Variants in ZNF512B observed in about 807,000 individuals in gnomAD.
The protein encoded by ZNF512B is zinc finger protein 512B.
A neutral mutation model predicts 87.8 loss-of-function variants in ZNF512B; 22 were observed. The ratio of observed to expected loss-of-function variants is 0.25; its 90% CI spans 0.18 to 0.36. The LOEUF (loss-of-function observed/expected upper bound fraction) is 0.36, where lower values mean the gene tolerates loss of function less well. Among genes scored for constraint, ZNF512B ranks in the 10% least tolerant of loss-of-function variants. The pLI is 1.00. For synonymous variants in ZNF512B, 524 were observed against 490.9 expected (o/e 1.07, Z -0.89); for missense variants, 1,060 against 1,231.6 (o/e 0.86, Z 2.09).
rs2058862102 is a variant in ZNF512B at position 63,962,333 on chromosome 20, C to T, written c.2205G>A (p.Gln735=). The T allele has an allele frequency of 1.2e-6, 2 of 1,612,884 alleles. No homozygotes were observed. The highest frequency in any genetic ancestry group is 4.5e-5 in the East Asian group (2 of 44,892). The change falls in exon 14 of 17, where the codon CAG becomes CAA. Residue 735 remains glutamine (Q), a synonymous_variant. Transcript: ENST00000369888. The part of the protein sequence containing the change: ...TRPGLPTLNP[Q]LLEAWKNEVK... Reference sequence around the variant, plus strand: ...CTTCATTCTTCCATGCCTCTAGCAGCTGGGGGTTCAGCGTGGGGAGCCCTG... The same window carrying T: ...CTTCATTCTTCCATGCCTCTAGCAGTTGGGGGTTCAGCGTGGGGAGCCCTG...
Position 63,959,750 on chromosome 20 carries a change from G to A in ZNF512B, c.*138C>T. ...GGGCCACCTTCAGGGAAGGGAGAGT[G>A]GCTGGCTGCCCCACTGGACGGATGA... is the stretch of plus-strand genomic sequence containing the variant. On this transcript the variant is annotated 3_prime_UTR_variant, in exon 17 of 17. Transcript: ENST00000369888. The A allele has an allele frequency of 1.5e-6, 2 of 1,308,184 alleles. No individual in the cohort carries two copies. The highest frequency in any genetic ancestry group is 2.0e-6 in the Non-Finnish European group (2 of 982,860). The allele number at this position is 1,308,184 out of a possible 1,614,324, so 81.0% of individuals were successfully genotyped here.
chr20:63,958,485 C>T lies in ZNF512B; in HGVS notation c.*1403G>A, dbSNP rs1408607465. The T allele has an allele frequency of 1.3e-5, 2 of 152,342 alleles. No individual in the cohort carries two copies. Among genetic ancestry groups the T allele is most frequent in the Non-Finnish European group, 2.9e-5 (2 of 68,058 alleles). 9.4% of individuals were successfully genotyped at this position (152,342 alleles called of 1,614,324 possible). On this transcript the variant is annotated 3_prime_UTR_variant, in exon 17 of 17. Coordinates refer to ENST00000369888, the MANE Select transcript of ZNF512B (RefSeq NM_020713.3). ...GCACACGGGCAAACATCAAAATTCT[C>T]ATCGTCCAGGGTCAGTGGGGCCGAG...
At position 63,963,114 on chromosome 20, in the gene ZNF512B, C is replaced by A; in HGVS notation, c.1949G>T (p.Arg650Leu). ...RSKAGHDYHV[R>L]SEHTAPPPEE... The stretch of plus-strand genomic sequence containing the variant: ...ACTCACGGGGGCCGTGTGCTCCGAG[C>A]GCACGTGGTAGTCGTGGCCAGCCTT... Residue 650 changes from arginine to leucine, a missense_variant, in exon 12 of 17, where the codon CGC becomes CTC. Around this residue, in one of 9 missense-constraint regions of ZNF512B, gnomAD observed 165 missense variants for 173.0 expected, o/e 0.95. Coordinates refer to ENST00000369888, the MANE Select transcript of ZNF512B (RefSeq NM_020713.3). 6.4e-7 allele frequency: 1 copy of A among 1,559,302 alleles called. No homozygotes were observed. The highest frequency in any genetic ancestry group is 8.6e-7 in the Non-Finnish European group (1 of 1,159,648).
chr20:63,967,125 C>T, intron 3 of ZNF512B, 121 bp from the exon 4 acceptor site: 1 of 1,463,642 alleles, frequency 6.8e-7, no homozygotes, highest in South Asian at 1.3e-5. Context: ...GCCCCTCAAC[C>T]TCGGGACTGC....
rs766111481 is a variant in ZNF512B, at chr20:63,963,144, C to T, written c.1919G>A (p.Arg640Gln). 1.9e-6 allele frequency: 3 copies of T among 1,553,944 alleles called. No homozygotes were observed. The highest frequency in any genetic ancestry group is 1.7e-6 in the Non-Finnish European group (2 of 1,156,280). ...FPCTHCGKTY[R>Q]SKAGHDYHVR... ...GTGGTAGTCGTGGCCAGCCTTGGATCGGTACGTCTTGCCACAGTGGGTGCA... is the reference window on the plus strand; with the variant it reads ...GTGGTAGTCGTGGCCAGCCTTGGATTGGTACGTCTTGCCACAGTGGGTGCA... Residue 640 changes from arginine (R) to glutamine (Q), a missense_variant, in exon 12 of 17, where the codon CGA (arginine) becomes CAA (glutamine). Transcript: ENST00000369888.
chr20:63,960,379 A>C (rs1434972502), intron 16 of ZNF512B, among the ~76,000 whole-genome samples: 5 of 139,926 alleles, frequency 3.6e-5, no homozygotes, highest in Non-Finnish European at 4.6e-5. Flanking sequence ...AAGCACCTGC[A>C]GCAGGGCTGG....
chr20:63,966,547 T>C lies in ZNF512B; in HGVS notation c.628A>G (p.Ile210Val), dbSNP rs1312726147. The C allele has an allele frequency of 6.2e-7, 1 of 1,613,760 alleles. No individual in the cohort carries two copies. Among genetic ancestry groups the C allele is most frequent in the Admixed American group, 1.7e-5 (1 of 60,002 alleles). ...IGKPVGVSKP[I>V]GISKPVSVGR... ...ACCGAGACTGGCTTGCTGATGCCAATGGGTTTGCTGACACCCACAGGTTTG... is the reference window on the plus strand; with the variant it reads ...ACCGAGACTGGCTTGCTGATGCCAACGGGTTTGCTGACACCCACAGGTTTG... The change falls in exon 5 of 17, where the codon ATT becomes GTT. Residue 210 changes from isoleucine (I) to valine (V), a missense_variant. By Grantham distance (29) the Ile-to-Val change is conservative (BLOSUM62 3). Around this residue, in one of 9 missense-constraint regions of ZNF512B, gnomAD observed 201 missense variants for 226.8 expected, o/e 0.89. Coordinates refer to ENST00000369888, the MANE Select transcript of ZNF512B (RefSeq NM_020713.3).
chr20:63,963,488 C>T, intron 10 of ZNF512B, 48 bp from the exon 11 acceptor site: 1 of 1,547,496 alleles, frequency 6.5e-7, no homozygotes, highest in Non-Finnish European at 8.7e-7. Flanking sequence ...GCCACGGAGC[C>T]CTGCCCTGGC....
rs551456323 is a variant in ZNF512B at position 63,963,633 on chromosome 20, G to C, written c.1683C>G (p.Ala561=). 5 of 1,613,528 alleles carry C rather than the reference G, an allele frequency of 3.1e-6. No homozygotes were observed. The highest frequency in any genetic ancestry group is 4.2e-6 in the Non-Finnish European group (5 of 1,180,024). Residue 561 remains alanine (A), a synonymous_variant, in exon 10 of 17, where the codon GCC becomes GCG. Transcript: ENST00000369888. ...CCGACGGTACCTTGGCACTGTGCTC[G>C]GCCATAGTGTGGTAGTTGAGGCCGG... ...SKAGLNYHTM[A]EHSAKPSDAE...
rs2058805126 is a variant in ZNF512B, at chr20:63,958,221, G to A, written c.*1667C>T. 6.6e-6 allele frequency: 1 copy of A among 152,334 alleles called. No homozygotes were observed. The highest frequency in any genetic ancestry group is 6.5e-5 in the Admixed American group (1 of 15,272). 9.4% of individuals were successfully genotyped at this position (152,334 alleles called of 1,614,324 possible). ...CCCCTTCTCCCTGGGGAATGGGGGA[G>A]GGTGGGTGCTGGGGGCAGAGGCAGT... On this transcript the variant is annotated 3_prime_UTR_variant, in exon 17 of 17. Transcript: ENST00000369888.
chr20:63,960,204 C>T, intron 16 of ZNF512B, 65 bp from the exon 17 acceptor site: 1 of 1,590,932 alleles, frequency 6.3e-7, no homozygotes, highest in South Asian at 1.1e-5. Flanking sequence ...CCAGGCATAG[C>T]CTGAGAGCTG....
chr20:63,960,659 C>G (rs993375866), intron 16 of ZNF512B, among the ~76,000 whole-genome samples: 7 of 148,882 alleles, frequency 4.7e-5, no homozygotes, highest in Non-Finnish European at 1.0e-4. Flanking sequence ...GCCTTCGGGA[C>G]CAGGCAGGCA....
Position 63,960,001 on chromosome 20 carries a change from G to A in ZNF512B, c.2566C>T (p.Pro856Ser), listed in dbSNP as rs147787751. 6.8e-6 allele frequency: 11 copies of A among 1,613,166 alleles called. No individual in the cohort carries two copies. The highest frequency in any genetic ancestry group is 7.6e-6 in the Non-Finnish European group (9 of 1,180,018). ...RKPKERTPEEPVAKLPPRRDD... is the reference protein window; with the variant it reads ...RKPKERTPEESVAKLPPRRDD... The stretch of plus-strand genomic sequence containing the variant: ...CGGCGCGGGGGCAGCTTGGCCACAG[G>A]CTCCTCTGGGGTCCGCTCCTTGGGC... Residue 856 changes from proline to serine, a missense_variant, in exon 17 of 17, where the codon CCT (proline) becomes TCT (serine). Pro to Ser is a moderately conservative substitution (Grantham distance 74, BLOSUM62 -1). This residue lies in a region of ZNF512B where 253 missense variants were observed against 259.2 expected (regional missense o/e 0.98). Coordinates refer to ENST00000369888, the MANE Select transcript of ZNF512B (RefSeq NM_020713.3).
At chr20:63,969,294 G>T (rs2058956957) in intron 1 of ZNF512B, 1 of 576,918 alleles carries the variant, frequency 1.7e-6, no homozygotes, top group Non-Finnish European at 2.2e-6. Flanking sequence ...AGCCTGGGAG[G>T]CAGAGACGCG....
chr20:63,964,730 G>A lies in ZNF512B; in HGVS notation c.1035-14C>T. 6.2e-7 allele frequency: 1 copy of A among 1,608,750 alleles called. No individual in the cohort carries two copies. Among genetic ancestry groups the A allele is most frequent in the Non-Finnish European group, 8.5e-7 (1 of 1,178,750 alleles). On this transcript the variant is annotated splice_polypyrimidine_tract_variant and intron_variant, in intron 5 of 16. Transcript: ENST00000369888. ...CTGTCCGCAGCCCTGCAGGGAGCAG[G>A]TGAGGTGAGGGCCAGGAGGGCCTAA...
chr20:63,962,116 G>T (rs915889052), intron 14 of ZNF512B, 112 bp from the exon 15 acceptor site: 6 of 1,360,002 alleles, frequency 4.4e-6, no homozygotes, highest in East Asian at 2.5e-5. Context: ...GTGAGGGGGT[G>T]TGAGTCCTGG....
rs368098991 is a variant in ZNF512B, at chr20:63,966,416, C to T, written c.759G>A (p.Pro253=). 2.1e-4 allele frequency: 346 copies of T among 1,613,916 alleles called. No individual in the cohort carries two copies. The highest frequency in any genetic ancestry group is 4.8e-4 in the South Asian group (44 of 91,064). ...TGGTGACTGTGATGGGTTTGGTGAC[C>T]GGCATGGCCTTGGTGACGGGCATGG... ...SRPMPVTKAM[P]VTKPITVTKS... is the part of the protein sequence containing the mutation. The change falls in exon 5 of 17, where the codon CCG becomes CCA. Residue 253 remains proline (P), a synonymous_variant. Transcript: ENST00000369888.
rs1213959870 is a variant in ZNF512B, at chr20:63,964,339, T to C, written c.1314A>G (p.Ser438=). The C allele has an allele frequency of 6.2e-7, 1 of 1,613,738 alleles. No individual in the cohort carries two copies. The highest frequency in any genetic ancestry group is 2.2e-5 in the East Asian group (1 of 44,870). Residue 438 remains serine, a synonymous_variant, in exon 7 of 17, where the codon TCA becomes TCG. Coordinates refer to ENST00000369888, the MANE Select transcript of ZNF512B (RefSeq NM_020713.3). ...TCTTACCTTTGAGCCCAAAGGTCCC[T>C]GAGATGGATGGCTGCTCCCCTGTAA... ...KKFTGEQPSI[S]GTFGLKGLVK... is the part of the protein sequence containing the mutation.
At position 63,966,343 on chromosome 20, in the gene ZNF512B, C is replaced by A. The variant is rs1232102238; in HGVS notation, c.832G>T (p.Val278Leu). The A allele has an allele frequency of 6.3e-7, 1 of 1,594,786 alleles. No individual in the cohort carries two copies. The highest frequency in any genetic ancestry group is 8.6e-7 in the Non-Finnish European group (1 of 1,166,618). The change falls in exon 5 of 17, where the codon GTA (valine) becomes TTA (leucine). Residue 278 changes from valine to leucine, a missense_variant. Coordinates refer to ENST00000369888, the MANE Select transcript of ZNF512B (RefSeq NM_020713.3). ...TTCGTAACTGTCACAAGCTTTGTTA[C>A]CGTAATGGGTTTGGTGACAGGTACG... The part of the protein sequence containing the change: ...KPVPVTKPIT[V>L]TKLVTVTKPV...
Sources: allele counts gnomAD v4.1 joint callset (sites outside exome capture counted in the v4.1 genomes callset), GRCh38; gene constraint gnomAD v4.1.1; regional missense constraint gnomAD v4.1.1; transcripts MANE v1.5; gene names NCBI Gene and HGNC (gene_info 2026-07-23, HGNC 2026-07-21).